The following HTR1F variants were observed in gnomAD, a reference collection of about 807,000 sequenced individuals.
The protein encoded by HTR1F is 5-hydroxytryptamine (serotonin) receptor 1F, G protein-coupled.
Under a neutral mutation model 24.0 loss-of-function variants are expected in HTR1F, and 17 were observed. The ratio of observed to expected loss-of-function variants is 0.71; its 90% CI spans 0.48 to 1.06. The LOEUF (loss-of-function observed/expected upper bound fraction) is 1.06. Ranked by LOEUF, HTR1F falls within the 50% of genes least tolerant of loss-of-function variation. The pLI, the probability that HTR1F is intolerant of heterozygous loss-of-function variation, is 0.00. For synonymous variants in HTR1F, 186 were observed against 156.8 expected, an observed-to-expected ratio of 1.19 and a Z score of -1.39; for missense variants, 391 against 427.8, an observed-to-expected ratio of 0.91 and a Z score of 0.76.
intron 2 of HTR1F, among the ~76,000 whole-genome samples, chr3:87,862,315 A>T (rs1705334920): frequency 6.6e-6 from 1 of 152,210 alleles, no homozygotes; most frequent in Non-Finnish European, 1.5e-5. Context: ...AACCAAGTAA[A>T]CTTCATTTGT....
chr3:87,968,681 G>T (rs1234465873), intron 2 of HTR1F, among the ~76,000 whole-genome samples: 2 of 152,154 alleles, frequency 1.3e-5, no homozygotes, highest in Non-Finnish European at 2.9e-5. Context: ...CGGTAGGAAA[G>T]AAAAACCCAT....
At chr3:87,928,311 G>A (rs1364143943) in intron 2 of HTR1F, among the ~76,000 whole-genome samples, 1 of 152,044 alleles carries the variant, frequency 6.6e-6, no homozygotes, top group African/African-American at 2.4e-5. Flanking sequence ...CTCTCAAAGT[G>A]CTGGATTACA....
intron 1 of HTR1F, among the ~76,000 whole-genome samples, chr3:87,817,628 C>A (rs1373995157): frequency 6.6e-6 from 1 of 152,156 alleles, no homozygotes; most frequent in Non-Finnish European, 1.5e-5. Context: ...ACACTTTTGG[C>A]AATACTGCAA....
chr3:87,882,839 A>T (rs1705837755), intron 2 of HTR1F, among the ~76,000 whole-genome samples: 1 of 152,132 alleles, frequency 6.6e-6, no homozygotes. Context: ...CATGTACCCT[A>T]AAACTTAAAG....
intron 2 of HTR1F, among the ~76,000 whole-genome samples, chr3:87,873,600 A>T (rs1705607546): frequency 6.6e-6 from 1 of 152,180 alleles, no homozygotes; most frequent in Non-Finnish European, 1.5e-5. Flanking sequence ...ATGTTTTACC[A>T]ACTATCTGGG....
chr3:87,793,532 A>T (rs1703852623), intron 1 of HTR1F: 2 of 152,216 alleles, frequency 1.3e-5, no homozygotes, highest in African/African-American at 4.8e-5. Flanking sequence ...GGGGCAATCA[A>T]GCAAAAGAGA....
chr3:87,886,660 A>C (rs1705953347), intron 2 of HTR1F, among the ~76,000 whole-genome samples: 1 of 152,184 alleles, frequency 6.6e-6, no homozygotes, highest in South Asian at 2.1e-4. Flanking sequence ...TACAAAATCA[A>C]TGTGCAAAAA....
chr3:87,825,861 A>G (rs1704451978), intron 2 of HTR1F, among the ~76,000 whole-genome samples: 1 of 152,148 alleles, frequency 6.6e-6, no homozygotes, highest in Non-Finnish European at 1.5e-5. Context: ...GATACCAGAC[A>G]GACAGGCAGG....
At chr3:87,946,043 G>T (rs57063153) in intron 2 of HTR1F, among the ~76,000 whole-genome samples, 5,416 of 152,208 alleles carry the variant, frequency 0.036, 298 homozygotes, top group African/African-American at 0.12. Flanking sequence ...GAAGCCGTGG[G>T]TCACGGAAGA....
intron 1 of HTR1F, among the ~76,000 whole-genome samples, chr3:87,818,292 A>T (rs1344858341): frequency 6.6e-6 from 1 of 152,204 alleles, no homozygotes; most frequent in African/African-American, 2.4e-5. Context: ...TAATAGGTGC[A>T]CAAGGGAATG....
At chr3:87,890,635 C>A (rs1486904302) in intron 2 of HTR1F, among the ~76,000 whole-genome samples, 2 of 150,110 alleles carry the variant, frequency 1.3e-5, no homozygotes, top group East Asian at 3.9e-4. Flanking sequence ...TGTAAAACCA[C>A]CTTAACTTAG....
intron 2 of HTR1F, among the ~76,000 whole-genome samples, chr3:87,911,118 T>A (rs1304515541): frequency 1.3e-5 from 2 of 151,132 alleles, no homozygotes; most frequent in Non-Finnish European, 3.0e-5. Context: ...AAAAACAAAA[T>A]CAGAGCTTAA....
At chr3:87,984,916 A>G (rs1320753342) in intron 2 of HTR1F, among the ~76,000 whole-genome samples, 1 of 152,238 alleles carries the variant, frequency 6.6e-6, no homozygotes, top group Admixed American at 6.5e-5. Context: ...CTATGAATAC[A>G]TTCCTACTGT....
chr3:87,961,972 T>G (rs1328346789), intron 2 of HTR1F, among the ~76,000 whole-genome samples: 1 of 152,084 alleles, frequency 6.6e-6, no homozygotes, highest in African/African-American at 2.4e-5. Context: ...AAAAAATGAT[T>G]CATTGTATAT....
At chr3:87,840,148 G>C (rs1343047232) in intron 2 of HTR1F, among the ~76,000 whole-genome samples, 2 of 152,232 alleles carry the variant, frequency 1.3e-5, no homozygotes, top group Admixed American at 6.5e-5. Context: ...GGGTTGCTGA[G>C]TCTTCTTTTC....
chr3:87,962,018 T>C (rs1576093595), intron 2 of HTR1F, among the ~76,000 whole-genome samples: 1 of 152,132 alleles, frequency 6.6e-6, no homozygotes, highest in Admixed American at 6.6e-5. Flanking sequence ...TCTTATTCTT[T>C]CATTTGCTAA....
chr3:87,884,598 G>A (rs1705890837), intron 2 of HTR1F, among the ~76,000 whole-genome samples: 2 of 152,202 alleles, frequency 1.3e-5, no homozygotes, highest in Non-Finnish European at 2.9e-5. Flanking sequence ...CTATATTCAG[G>A]AGACCCATCT....
chr3:87,820,175 A>ATTT lies in HTR1F; in HGVS notation c.-159-1816_-159-1814dup, dbSNP rs1370534998. On this transcript the variant is annotated intron_variant, in intron 1 of 2. Transcript: ENST00000319595. ...ACTTGGTTTCCTGGAATCATGACCCATTTTTTTTTTTTTTTTTTTGAGACA... is the reference window on the plus strand; with the variant it reads ...ACTTGGTTTCCTGGAATCATGACCCATTTTTTTTTTTTTTTTTTTTTTGAGACA... 1.3e-3 allele frequency among the ~76,000 whole-genome samples: 166 copies of ATTT among 130,638 alleles called. 1 individual carries two copies. Among genetic ancestry groups the ATTT allele is most frequent in the African/African-American group, 4.5e-3 (158 of 35,050 alleles). 85.7% of individuals were successfully genotyped at this position (130,638 alleles called of 152,430 possible).
At chr3:87,911,929 G>A (rs977810786) in intron 2 of HTR1F, among the ~76,000 whole-genome samples, 3 of 151,996 alleles carry the variant, frequency 2.0e-5, no homozygotes, top group African/African-American at 7.2e-5. Flanking sequence ...AAAATAATGA[G>A]AGCCATCTAT....
Sources: gnomAD v4.1 joint callset for allele counts (sites outside exome capture counted in the v4.1 genomes callset) on GRCh38, gnomAD v4.1.1 for gene constraint, MANE v1.5 for transcripts, NCBI Gene and HGNC (gene_info 2026-07-23, HGNC 2026-07-21) for gene names.